The following CACNG2 variants were observed in gnomAD, a reference collection of about 807,000 sequenced individuals.
CACNG2 encodes voltage-dependent calcium channel gamma-2 subunit.
A neutral mutation model predicts 25.9 loss-of-function variants in CACNG2; 3 were observed. The ratio of observed to expected loss-of-function variants is 0.12; its 90% CI spans 0.05 to 0.30. The LOEUF (loss-of-function observed/expected upper bound fraction) is 0.30, where lower values mean the gene tolerates loss of function less well. Among genes scored for constraint, CACNG2 ranks in the 10% least tolerant of loss-of-function variants. The pLI, the probability that CACNG2 is intolerant of heterozygous loss-of-function variation, is 1.00. For synonymous variants in CACNG2, 167 were observed against 173.3 expected (o/e 0.96, Z 0.29); for missense variants, 341 against 432.5 (o/e 0.79, Z 1.88).
chr22:36,701,899 T>C (rs945321401), intron 1 of CACNG2, among the ~76,000 whole-genome samples: 4 of 152,114 alleles, frequency 2.6e-5, no homozygotes, highest in African/African-American at 9.7e-5. Context: ...TTGCAGATGG[T>C]GGTGTGTCTA....
At chr22:36,637,977 G>A (rs146004619) in intron 1 of CACNG2, among the ~76,000 whole-genome samples, 3,056 of 151,822 alleles carry the variant, frequency 0.02, 71 homozygotes, top group Non-Finnish European at 0.023. Flanking sequence ...AGCCAAGATC[G>A]TGCCACTGTA....
At chr22:36,672,724 G>A (rs1053824581) in intron 1 of CACNG2, among the ~76,000 whole-genome samples, 4 of 152,084 alleles carry the variant, frequency 2.6e-5, no homozygotes, top group Non-Finnish European at 4.4e-5. Context: ...ACCACCACTG[G>A]ACATGATTCA....
chr22:36,664,367 A>G (rs1230936586), intron 1 of CACNG2, among the ~76,000 whole-genome samples: 1 of 152,222 alleles, frequency 6.6e-6, no homozygotes, highest in African/African-American at 2.4e-5. Flanking sequence ...TGTTCTAGCC[A>G]CTGGGGCTCC....
At chr22:36,675,994 G>T (rs544536928) in intron 1 of CACNG2, among the ~76,000 whole-genome samples, 1 of 152,280 alleles carries the variant, frequency 6.6e-6, no homozygotes, top group Admixed American at 6.5e-5. Flanking sequence ...ATTTGTAGAG[G>T]GAAAGTAGAT....
intron 1 of CACNG2, among the ~76,000 whole-genome samples, chr22:36,624,927 C>T (rs756402051): frequency 3.4e-5 from 5 of 148,670 alleles, no homozygotes; most frequent in Non-Finnish European, 7.4e-5. Flanking sequence ...ACTTGGGAGG[C>T]TGAGGTAGGA....
intron 1 of CACNG2, among the ~76,000 whole-genome samples, chr22:36,620,699 T>C (rs1299875222): frequency 6.6e-6 from 1 of 152,260 alleles, no homozygotes; most frequent in African/African-American, 2.4e-5. Flanking sequence ...GGGTTTGTTA[T>C]GGAGCTCACG....
intron 1 of CACNG2, among the ~76,000 whole-genome samples, chr22:36,637,867 TA>T (rs1173430363): frequency 6.6e-6 from 1 of 151,864 alleles, no homozygotes; most frequent in Non-Finnish European, 1.5e-5. Context: ...ACTAAAAATA[TA>T]AAAATTAGTG....
rs184241496 is a variant in CACNG2 at position 36,661,105 on chromosome 22, C to T, written c.211+41261G>A. Among the ~76,000 whole-genome samples the T allele has an allele frequency of 2.6e-4, 40 of 152,278 alleles. 1 individual carries two copies. The highest frequency in any genetic ancestry group is 8.7e-4 in the African/African-American group (36 of 41,562). ...CTATTACCGTGAAATCAATCAACTC[C>T]GTGCTCGGACCCTCCCAGGCACACC... On this transcript the variant is annotated intron_variant, in intron 1 of 3. Transcript: ENST00000300105.
intron 1 of CACNG2, among the ~76,000 whole-genome samples, chr22:36,684,314 A>G (rs1937167607): frequency 6.6e-6 from 1 of 152,198 alleles, no homozygotes; most frequent in Admixed American, 6.5e-5. Context: ...CAGGGGATCG[A>G]TTTAAAGATA....
chr22:36,618,856 G>A (rs553649954), intron 1 of CACNG2, among the ~76,000 whole-genome samples: 20 of 152,268 alleles, frequency 1.3e-4, no homozygotes, highest in African/African-American at 4.6e-4. Context: ...GGAGTCGGAG[G>A]TTGCAGTGAG....
chr22:36,659,933 G>C (rs1362731948), intron 1 of CACNG2, among the ~76,000 whole-genome samples: 1 of 151,956 alleles, frequency 6.6e-6, no homozygotes, highest in Non-Finnish European at 1.5e-5. Context: ...TTGGCTCCCT[G>C]CCACCAGAGC....
At chr22:36,680,607 T>TC (rs1937100118) in intron 1 of CACNG2, among the ~76,000 whole-genome samples, 1 of 71,344 alleles carries the variant, frequency 1.4e-5, no homozygotes, top group African/African-American at 5.2e-5. Context: ...ATCATGGCTA[T>TC]AATTACTACC....
chr22:36,670,419 A>G (rs569228865), intron 1 of CACNG2, among the ~76,000 whole-genome samples: 1 of 152,242 alleles, frequency 6.6e-6, no homozygotes, highest in African/African-American at 2.4e-5. Flanking sequence ...GGAAGGGTCT[A>G]TTTTAGAATT....
intron 1 of CACNG2, among the ~76,000 whole-genome samples, chr22:36,594,779 GTGTC>G (rs1478049681): frequency 1.3e-5 from 2 of 151,212 alleles, no homozygotes; most frequent in African/African-American, 4.9e-5. Context: ...ATGGGTGTGT[GTGTC>G]TGTGTGTGTG....
At chr22:36,611,288 C>A (rs1308310771) in intron 1 of CACNG2, among the ~76,000 whole-genome samples, 1 of 152,156 alleles carries the variant, frequency 6.6e-6, no homozygotes, top group Non-Finnish European at 1.5e-5. Flanking sequence ...GGTCCCGGCC[C>A]ATTCTGTGCT....
At chr22:36,569,541 T>C (rs1273269439) in intron 2 of CACNG2, among the ~76,000 whole-genome samples, 1 of 152,118 alleles carries the variant, frequency 6.6e-6, no homozygotes, top group Non-Finnish European at 1.5e-5. Flanking sequence ...ATGGTTTCTT[T>C]TTGTTTGTTT....
intron 1 of CACNG2, among the ~76,000 whole-genome samples, chr22:36,621,569 CAAAA>C (rs386395348): frequency 8.4e-6 from 1 of 118,862 alleles, no homozygotes. Context: ...GATTTTGCCT[CAAAA>C]AAAAAAAAAA....
intron 1 of CACNG2, among the ~76,000 whole-genome samples, chr22:36,660,214 T>A (rs1215864423): frequency 1.3e-5 from 2 of 152,244 alleles, no homozygotes; most frequent in East Asian, 3.8e-4. Context: ...CCAGTGCTCA[T>A]GACAGGACTT....
chr22:36,610,846 C>T (rs545530938), intron 1 of CACNG2, among the ~76,000 whole-genome samples: 7 of 152,264 alleles, frequency 4.6e-5, no homozygotes, highest in Non-Finnish European at 8.8e-5. Context: ...TTGGGGAGAC[C>T]GCCAAGGCCT....
Sources: allele counts gnomAD v4.1 joint callset (sites outside exome capture counted in the v4.1 genomes callset), GRCh38; gene constraint gnomAD v4.1.1; transcripts MANE v1.5; gene names NCBI Gene and HGNC (gene_info 2026-07-23, HGNC 2026-07-21).